The following RNF13 variants were observed in gnomAD, a reference collection of about 807,000 sequenced individuals.
The protein encoded by RNF13 is E3 ubiquitin-protein ligase RNF13.
In RNF13, 19 loss-of-function variants were observed where a neutral mutation model predicts 37.7. The ratio of observed to expected loss-of-function variants is 0.50; its 90% confidence interval spans 0.35 to 0.74. The LOEUF (loss-of-function observed/expected upper bound fraction) is 0.74. RNF13 is among the 30% of genes least tolerant of loss of function. The pLI, the probability that RNF13 is intolerant of heterozygous loss-of-function variation, is 0.01. For missense variants in RNF13, 375 were observed against 453.0 expected (o/e 0.83, Z 1.56); for synonymous variants, 144 against 157.8 (o/e 0.91, Z 0.65).
Position 149,961,174 on chromosome 3 carries a change from C to A in RNF13, c.*70C>A. On this transcript the variant is annotated 3_prime_UTR_variant, in exon 10 of 10. Transcript: ENST00000392894. ...ATATACTGTAATTTGATTTTTTGCT[C>A]CCTTCAAAGATTTCTGTAGAAATAA... 1.5e-6 allele frequency: 2 copies of A among 1,340,550 alleles called. No homozygotes were observed. Among genetic ancestry groups the A allele is most frequent in the South Asian group, 1.4e-5 (1 of 71,200 alleles). 83.0% of individuals were successfully genotyped at this position (1,340,550 alleles called of 1,614,324 possible).
Position 149,921,220 on chromosome 3 carries a change from C to T in RNF13, c.693C>T (p.Phe231=), listed in dbSNP as rs541786633. The change falls in exon 8 of 10, where the codon TTC becomes TTT. Residue 231 remains phenylalanine (F), a synonymous_variant. Transcript: ENST00000392894. Reference sequence around the variant, plus strand: ...TTAAGAAACTTCCTGTACATAAATTCAAGAAAGGTAAGTATTTGTTTTCTA... The same window carrying T: ...TTAAGAAACTTCCTGTACATAAATTTAAGAAAGGTAAGTATTTGTTTTCTA... ...DQLKKLPVHK[F]KKGDEYDVCA... is the part of the protein sequence containing the mutation. 9.1e-5 allele frequency: 125 copies of T among 1,369,680 alleles called. No homozygotes were observed. The South Asian group carries it at 2.0e-3, about 22-fold the overall frequency. The allele number at this position is 1,369,680 out of a possible 1,614,324, so 84.8% of individuals were successfully genotyped here.
At chr3:149,867,476 A>G (rs1711512439) in intron 3 of RNF13, among the ~76,000 whole-genome samples, 1 of 151,524 alleles carries the variant, frequency 6.6e-6, no homozygotes, top group Non-Finnish European at 1.5e-5. Flanking sequence ...CGTGTTAGCC[A>G]GGATGGTGTT....
intron 6 of RNF13, among the ~76,000 whole-genome samples, chr3:149,907,902 AAC>A (rs1716599180): frequency 6.6e-6 from 1 of 152,252 alleles, no homozygotes; most frequent in African/African-American, 2.4e-5. Flanking sequence ...ATTAAGGAGA[AAC>A]AGTTTTAAAT....
At chr3:149,919,088 A>C (rs1717852889) in intron 7 of RNF13, among the ~76,000 whole-genome samples, 1 of 152,110 alleles carries the variant, frequency 6.6e-6, no homozygotes, top group Admixed American at 6.5e-5. Context: ...TCCTATTGAT[A>C]TGAACATTTG....
At chr3:149,856,392 A>G (rs1723653248) in intron 3 of RNF13, among the ~76,000 whole-genome samples, 1 of 152,108 alleles carries the variant, frequency 6.6e-6, no homozygotes, top group African/African-American at 2.4e-5. Context: ...CGTTAAAAAT[A>G]TAACTAATTT....
chr3:149,813,628 G>A (rs1023777599), intron 1 of RNF13, among the ~76,000 whole-genome samples: 4 of 152,108 alleles, frequency 2.6e-5, no homozygotes, highest in African/African-American at 7.2e-5. Context: ...TTCCCTTCTT[G>A]AGGCTGCAAG....
intron 8 of RNF13, among the ~76,000 whole-genome samples, chr3:149,938,511 A>T (rs1470264241): frequency 2.0e-5 from 3 of 147,966 alleles, no homozygotes; most frequent in Non-Finnish European, 3.0e-5. Context: ...TGGAGAATTG[A>T]TCCCTTTATT....
chr3:149,832,061 G>T (rs1721110841), intron 1 of RNF13, among the ~76,000 whole-genome samples: 1 of 151,920 alleles, frequency 6.6e-6, no homozygotes, highest in Non-Finnish European at 1.5e-5. Context: ...GTTAGTGCTT[G>T]GTACAGTATA....
chr3:149,911,953 A>C (rs1717037343), intron 6 of RNF13, 25 bp from the exon 7 acceptor site: 1 of 1,155,654 alleles, frequency 8.7e-7, no homozygotes. Flanking sequence ...TCATTTCTCA[A>C]TTATTGATTT....
At chr3:149,864,410 C>G (rs1416980796) in intron 3 of RNF13, among the ~76,000 whole-genome samples, 3 of 151,986 alleles carry the variant, frequency 2.0e-5, no homozygotes, top group African/African-American at 7.3e-5. Flanking sequence ...TCTTGTATAG[C>G]CTGCAGAACT....
intron 1 of RNF13, chr3:149,817,452 G>T (rs1719581111): frequency 1.3e-5 from 2 of 152,152 alleles, no homozygotes; most frequent in African/African-American, 4.8e-5. Flanking sequence ...GTGGTACCAG[G>T]CATTTATAAA....
At chr3:149,824,552 A>G (rs1416440395) in intron 1 of RNF13, among the ~76,000 whole-genome samples, 4 of 152,234 alleles carry the variant, frequency 2.6e-5, no homozygotes, top group Non-Finnish European at 5.9e-5. Context: ...AAATTGTTGT[A>G]TAATGTAAAA....
intron 6 of RNF13, among the ~76,000 whole-genome samples, chr3:149,902,662 C>T (rs916921990): frequency 3.3e-5 from 5 of 151,980 alleles, no homozygotes; most frequent in Non-Finnish European, 7.4e-5. Flanking sequence ...ACAAAATAAT[C>T]TCATTACAAA....
chr3:149,879,344 G>A (rs1713113266), intron 4 of RNF13, among the ~76,000 whole-genome samples: 1 of 127,286 alleles, frequency 7.9e-6, no homozygotes, highest in African/African-American at 3.0e-5. Context: ...GTCTTATACT[G>A]TTGCCTGGGC....
At chr3:149,943,938 A>G (rs534548938) in intron 8 of RNF13, among the ~76,000 whole-genome samples, 2 of 151,910 alleles carry the variant, frequency 1.3e-5, no homozygotes, top group East Asian at 1.9e-4. Flanking sequence ...CATTAGGTAT[A>G]TCTCCTAATG....
intron 1 of RNF13, among the ~76,000 whole-genome samples, chr3:149,832,119 A>G (rs941455154): frequency 1.3e-5 from 2 of 152,214 alleles, no homozygotes; most frequent in East Asian, 3.8e-4. Context: ...CTTGAAAAAA[A>G]CAAATTGAAA....
At chr3:149,955,391 G>A (rs1721764990) in intron 8 of RNF13, among the ~76,000 whole-genome samples, 1 of 151,668 alleles carries the variant, frequency 6.6e-6, no homozygotes, top group Non-Finnish European at 1.5e-5. Context: ...CCTTTGCCCA[G>A]GGCTTGGAAA....
intron 4 of RNF13, among the ~76,000 whole-genome samples, chr3:149,887,021 T>A (rs563985769): frequency 2.6e-4 from 40 of 152,302 alleles, no homozygotes; most frequent in African/African-American, 7.5e-4. Context: ...TCGGAGAATA[T>A]ACTTTGTGTG....
intron 7 of RNF13, among the ~76,000 whole-genome samples, chr3:149,916,042 A>G (rs1006094739): frequency 1.3e-5 from 2 of 152,114 alleles, no homozygotes; most frequent in South Asian, 4.1e-4. Context: ...GGCAATCAAA[A>G]TTATAGCCTC....
Sources: gnomAD v4.1 joint callset for allele counts (sites outside exome capture counted in the v4.1 genomes callset) on GRCh38, gnomAD v4.1.1 for gene constraint, MANE v1.5 for transcripts, NCBI Gene and HGNC (gene_info 2026-07-23, HGNC 2026-07-21) for gene names.